The following GABRG2 variants were observed in gnomAD, a reference collection of about 807,000 sequenced individuals.
The protein encoded by GABRG2 is gamma-aminobutyric acid receptor subunit gamma-2.
In GABRG2, 16 loss-of-function variants were observed where a neutral mutation model predicts 56.4. That is an observed-to-expected ratio of 0.28 (90% confidence interval 0.19 to 0.43). GABRG2 has a LOEUF of 0.43. GABRG2 is among the 20% of genes least tolerant of loss of function. GABRG2 has a pLI of 1.00. For missense variants in GABRG2, 327 were observed against 582.7 expected, an observed-to-expected ratio of 0.56 and a Z score of 4.52; for synonymous variants, 208 against 205.5, an observed-to-expected ratio of 1.01 and a Z score of -0.10.
intron 1 of GABRG2, among the ~76,000 whole-genome samples, chr5:162,069,439 A>G (rs1220652559): frequency 6.6e-6 from 1 of 152,184 alleles, no homozygotes; most frequent in African/African-American, 2.4e-5. Context: ...AAAGCAGCTG[A>G]AAAGGATGGA....
chr5:162,118,808 A>T, intron 6 of GABRG2, among the ~76,000 whole-genome samples: 1 of 152,132 alleles, frequency 6.6e-6, no homozygotes, highest in African/African-American at 2.4e-5. Flanking sequence ...TTAAAGCGAC[A>T]CAAAAGGCAA....
chr5:162,143,294 G>A (rs536891877), intron 7 of GABRG2, among the ~76,000 whole-genome samples: 5 of 152,222 alleles, frequency 3.3e-5, no homozygotes, highest in Admixed American at 1.3e-4. Flanking sequence ...TGAAGTAATC[G>A]GCTCTTTACA....
intron 6 of GABRG2, among the ~76,000 whole-genome samples, chr5:162,110,167 A>G (rs1237768140): frequency 6.6e-6 from 1 of 152,150 alleles, no homozygotes; most frequent in Non-Finnish European, 1.5e-5. Context: ...AAATCTGTGT[A>G]CCACTAAATT....
intron 1 of GABRG2, among the ~76,000 whole-genome samples, chr5:162,076,603 A>G (rs1759128950): frequency 1.3e-5 from 2 of 152,130 alleles, no homozygotes; most frequent in African/African-American, 4.8e-5. Context: ...AAAGAAGGAT[A>G]TTTTCCCAAA....
chr5:162,092,781 A>G (rs1760700349), intron 1 of GABRG2, among the ~76,000 whole-genome samples: 1 of 152,106 alleles, frequency 6.6e-6, no homozygotes, highest in Admixed American at 6.6e-5. Context: ...TAAGGTAAAG[A>G]TGGGGGCAGG....
At chr5:162,131,096 AC>A in intron 6 of GABRG2, among the ~76,000 whole-genome samples, 1 of 151,974 alleles carries the variant, frequency 6.6e-6, no homozygotes. Flanking sequence ...TCTTTCCAAT[AC>A]TTCTAAAAGG....
At chr5:162,090,492 T>G (rs1188336194) in intron 1 of GABRG2, among the ~76,000 whole-genome samples, 1 of 152,060 alleles carries the variant, frequency 6.6e-6, no homozygotes, top group African/African-American at 2.4e-5. Context: ...GTCCCAGAGC[T>G]CTGCATTTCT....
At chr5:162,142,095 C>T in intron 6 of GABRG2, 69 bp from the exon 7 acceptor site, 1 of 1,480,202 alleles carries the variant, frequency 6.8e-7, no homozygotes, top group Non-Finnish European at 9.4e-7. Context: ...CCATTAAATA[C>T]ATGCTTAGTT....
At chr5:162,111,376 C>G (rs560907557) in intron 6 of GABRG2, among the ~76,000 whole-genome samples, 1 of 152,016 alleles carries the variant, frequency 6.6e-6, no homozygotes, top group Non-Finnish European at 1.5e-5. Flanking sequence ...ATTTTAAATT[C>G]CAAGGTTGTG....
At chr5:162,068,533 C>A (rs1445725436) in intron 1 of GABRG2, among the ~76,000 whole-genome samples, 1 of 135,552 alleles carries the variant, frequency 7.4e-6, no homozygotes, top group Non-Finnish European at 1.6e-5. Context: ...TGTGAGGGAG[C>A]TGGGGGGAGG....
intron 6 of GABRG2, among the ~76,000 whole-genome samples, chr5:162,113,468 C>T (rs1323792770): frequency 6.6e-6 from 1 of 152,168 alleles, no homozygotes; most frequent in East Asian, 1.9e-4. Context: ...TCCATGCCCA[C>T]TACAAACCTA....
intron 6 of GABRG2, among the ~76,000 whole-genome samples, chr5:162,113,653 A>G (rs953002778): frequency 1.3e-5 from 2 of 152,200 alleles, no homozygotes; most frequent in Non-Finnish European, 2.9e-5. Flanking sequence ...ATCTGCCTAT[A>G]CTCACATGAC....
chr5:162,087,450 G>C (rs1010635500), intron 1 of GABRG2, among the ~76,000 whole-genome samples: 2 of 152,106 alleles, frequency 1.3e-5, no homozygotes. Context: ...GAGGCTTTTG[G>C]GGGGCTTTTA....
chr5:162,092,576 C>G (rs1760684976), intron 1 of GABRG2, among the ~76,000 whole-genome samples: 1 of 152,084 alleles, frequency 6.6e-6, no homozygotes, highest in Non-Finnish European at 1.5e-5. Context: ...CATGTGTACA[C>G]ACATACATAC....
rs563505713 is a variant in GABRG2 at position 162,087,685 on chromosome 5, C to T, written c.108-6143C>T. ...TAGTTAAGGAACTGAGTCGAAACTC[C>T]CAGAAGCTCATCTTACCTTAGGATT... On this transcript the variant is annotated intron_variant, in intron 1 of 9. Coordinates refer to ENST00000639213, the MANE Select transcript of GABRG2 (RefSeq NM_198904.4). Among the ~76,000 whole-genome samples, 6 of 152,052 alleles carry T rather than the reference C, an allele frequency of 3.9e-5. No individual in the cohort carries two copies. In the South Asian group the frequency reaches 1.2e-3, roughly 32 times the overall value.
chr5:162,093,033 C>G (rs1760727366), intron 1 of GABRG2, among the ~76,000 whole-genome samples: 1 of 152,008 alleles, frequency 6.6e-6, no homozygotes, highest in African/African-American at 2.4e-5. Context: ...CAGGTGGCTT[C>G]CAGCCCAATT....
intron 6 of GABRG2, among the ~76,000 whole-genome samples, chr5:162,113,712 TCATTG>T (rs2113437956): frequency 6.6e-6 from 1 of 152,350 alleles, no homozygotes; most frequent in Non-Finnish European, 1.5e-5. Flanking sequence ...CATCTATTGT[TCATTG>T]CTAAGTGGTG....
chr5:162,151,402 G>A, intron 8 of GABRG2: 1 of 245,668 alleles, frequency 4.1e-6, no homozygotes, highest in Non-Finnish European at 7.8e-6. Flanking sequence ...ATGATAATTA[G>A]AAAATAGAAT....
Position 162,151,729 on chromosome 5 carries a change from G to T in GABRG2, c.1129-1G>T, listed in dbSNP as rs758652747. On this transcript the variant is annotated splice_acceptor_variant, in intron 8 of 9. Coordinates refer to ENST00000639213, the MANE Select transcript of GABRG2 (RefSeq NM_198904.4). LOFTEE classifies it high-confidence loss of function. ...TCTCTTTTCTGTCTACAAACCCAAA[G>T]CTTCTTCGGATGTTTTCCTTCAAGG... is the stretch of plus-strand genomic sequence containing the variant. 2 of 1,608,162 alleles carry T rather than the reference G, an allele frequency of 1.2e-6. No homozygotes were observed. Among genetic ancestry groups the T allele is most frequent in the Non-Finnish European group, 1.7e-6 (2 of 1,177,444 alleles).
Sources: gnomAD v4.1 joint callset for allele counts (sites outside exome capture counted in the v4.1 genomes callset) on GRCh38, gnomAD v4.1.1 for gene constraint, MANE v1.5 for transcripts, NCBI Gene and HGNC (gene_info 2026-07-23, HGNC 2026-07-21) for gene names.